The following LYPD6 variants were observed in gnomAD, a reference collection of about 807,000 sequenced individuals.
LYPD6 encodes the protein LY6/PLAUR domain containing 6.
LYPD6 carries 15 observed loss-of-function variants against 22.7 expected under a neutral mutation model. The ratio of observed to expected loss-of-function variants is 0.66; its 90% CI spans 0.44 to 1.02. The LOEUF (loss-of-function observed/expected upper bound fraction) is 1.02. LYPD6 is among the 50% of genes least tolerant of loss of function. The pLI is 0.00. For missense variants in LYPD6, 189 were observed against 208.4 expected (o/e 0.91, Z 0.57); for synonymous variants, 72 against 77.5 (o/e 0.93, Z 0.37).
intron 1 of LYPD6, among the ~76,000 whole-genome samples, chr2:149,351,471 C>A (rs552966091): frequency 5.9e-5 from 9 of 151,400 alleles, no homozygotes; most frequent in African/African-American, 2.2e-4. Flanking sequence ...TATCCTGGGC[C>A]GTAGATGTTA....
chr2:149,412,438 A>G (rs2105123592), intron 1 of LYPD6, among the ~76,000 whole-genome samples: 1 of 151,748 alleles, frequency 6.6e-6, no homozygotes, highest in East Asian at 1.9e-4. Flanking sequence ...AAGTTCCCAT[A>G]CCTGGAAATC....
chr2:149,330,535 G>A (rs1314190875), upstream of LYPD6: 1 of 149,830 alleles, frequency 6.7e-6, no homozygotes, highest in Admixed American at 6.6e-5. Flanking sequence ...CGGCGCGAGT[G>A]GGAGTGGCGC....
intron 1 of LYPD6, among the ~76,000 whole-genome samples, chr2:149,422,611 G>C (rs926844187): frequency 7.9e-5 from 12 of 152,080 alleles, no homozygotes; most frequent in Admixed American, 6.5e-5. Context: ...AGTGATGAGA[G>C]CATTTAAGAA....
At chr2:149,477,622 CAAAAAAAAA>C (rs35507967), downstream of LYPD6, among the ~76,000 whole-genome samples, 108 of 62,926 alleles carry the variant, frequency 1.7e-3, no homozygotes, top group African/African-American at 7.1e-3. Flanking sequence ...AACTGTGTCT[CAAAAAAAAA>C]AAAAAAAAAA....
At chr2:149,479,235 C>G in the LYPD6 span, among the ~76,000 whole-genome samples, 1 of 152,188 alleles carries the variant, frequency 6.6e-6, no homozygotes, top group African/African-American at 2.4e-5. Flanking sequence ...AGCTTTCCTA[C>G]TTAGAAAACC....
At chr2:149,483,451 T>C in the LYPD6 span, among the ~76,000 whole-genome samples, 1 of 150,496 alleles carries the variant, frequency 6.6e-6, no homozygotes, top group Non-Finnish European at 1.5e-5. Context: ...TGAGAAGGTC[T>C]CTCCTTCCGC....
chr2:149,361,929 A>G (rs570131278), intron 1 of LYPD6, among the ~76,000 whole-genome samples: 1 of 152,254 alleles, frequency 6.6e-6, no homozygotes, highest in African/African-American at 2.4e-5. Context: ...AAGCAGGCAT[A>G]GAGAGGGGAT....
At chr2:149,352,297 A>G (rs1259349804) in intron 1 of LYPD6, among the ~76,000 whole-genome samples, 1 of 152,162 alleles carries the variant, frequency 6.6e-6, no homozygotes, top group Non-Finnish European at 1.5e-5. Flanking sequence ...GGGGCTCCGG[A>G]AGGCAAAACT....
At chr2:149,380,289 G>A (rs753185296) in intron 1 of LYPD6, among the ~76,000 whole-genome samples, 4 of 152,180 alleles carry the variant, frequency 2.6e-5, no homozygotes, top group East Asian at 1.9e-4. Flanking sequence ...CCACAGGGGC[G>A]TTCTAAGCAG....
chr2:149,337,580 C>G (rs1286794007), intron 1 of LYPD6, among the ~76,000 whole-genome samples: 3 of 151,944 alleles, frequency 2.0e-5, no homozygotes, highest in Non-Finnish European at 1.5e-5. Flanking sequence ...TCATCTTTTT[C>G]TCCCACTGTG....
intron 1 of LYPD6, among the ~76,000 whole-genome samples, chr2:149,374,132 A>T (rs541595510): frequency 1.1e-4 from 16 of 152,212 alleles, no homozygotes; most frequent in Non-Finnish European, 2.2e-4. Flanking sequence ...AATGGCCAGC[A>T]TCTTTTCTTA....
chr2:149,335,452 A>G (rs750381968), intron 1 of LYPD6, among the ~76,000 whole-genome samples: 19 of 152,250 alleles, frequency 1.2e-4, no homozygotes, highest in Non-Finnish European at 1.8e-4. Context: ...TTGTGTTTTA[A>G]GCTAAGTGTT....
chr2:149,460,159 T>C (rs2430497), intron 3 of LYPD6, among the ~76,000 whole-genome samples: 95,886 of 151,946 alleles, frequency 0.63, 30,797 homozygotes, highest in East Asian at 0.85. Flanking sequence ...AGACAGAAAA[T>C]AACAAAATTT....
intron 3 of LYPD6, among the ~76,000 whole-genome samples, chr2:149,455,747 A>C (rs1680943711): frequency 6.6e-6 from 1 of 152,108 alleles, no homozygotes; most frequent in African/African-American, 2.4e-5. Context: ...GTTCACCATA[A>C]AGTCCTGTCT....
intron 1 of LYPD6, among the ~76,000 whole-genome samples, chr2:149,390,582 G>A (rs1407845659): frequency 1.3e-5 from 2 of 152,158 alleles, no homozygotes; most frequent in Non-Finnish European, 2.9e-5. Context: ...CTTGAGATTT[G>A]TTGCAGCATT....
chr2:149,453,217 A>C (rs1680874592), intron 3 of LYPD6, among the ~76,000 whole-genome samples: 1 of 152,220 alleles, frequency 6.6e-6, no homozygotes, highest in Non-Finnish European at 1.5e-5. Flanking sequence ...GAGCCAATTG[A>C]AGGAACTGAT....
chr2:149,333,242 A>AT (rs1267351440), intron 1 of LYPD6, among the ~76,000 whole-genome samples: 1 of 152,222 alleles, frequency 6.6e-6, no homozygotes, highest in Non-Finnish European at 1.5e-5. Context: ...GAGAAATCAT[A>AT]TTTTTACTTG....
chr2:149,427,919 T>C (rs1349508492), intron 1 of LYPD6, among the ~76,000 whole-genome samples: 2 of 152,272 alleles, frequency 1.3e-5, no homozygotes, highest in Admixed American at 1.3e-4. Context: ...AATTGAACTT[T>C]AAATCAAATT....
intron 1 of LYPD6, among the ~76,000 whole-genome samples, chr2:149,414,908 G>A (rs567807460): frequency 2.7e-4 from 41 of 152,266 alleles, no homozygotes; most frequent in Non-Finnish European, 5.7e-4. Context: ...AACAGTCATG[G>A]GGTGCGTTTG....
Sources: gnomAD v4.1 joint callset for allele counts (sites outside exome capture counted in the v4.1 genomes callset) on GRCh38, gnomAD v4.1.1 for gene constraint, MANE v1.5 for transcripts, NCBI Gene and HGNC (gene_info 2026-07-23, HGNC 2026-07-21) for gene names.